TMEM181: variants seen among roughly 807,000 people sequenced by gnomAD.
TMEM181 encodes the protein transmembrane protein 181, also known as G protein-coupled receptor 178.
TMEM181 carries 39 observed loss-of-function variants against 71.9 expected under a neutral mutation model. The observed-to-expected ratio is 0.54, with a 90% CI of 0.42 to 0.71. The LOEUF is 0.71. Among genes scored for constraint, TMEM181 ranks in the 30% least tolerant of loss-of-function variants. TMEM181 has a pLI of 0.00. For synonymous variants in TMEM181, 245 were observed against 228.8 expected, an observed-to-expected ratio of 1.07 and a Z score of -0.64; for missense variants, 595 against 583.0, an observed-to-expected ratio of 1.02 and a Z score of -0.21.
chr6:158,562,303 G>A (rs1358400680), intron 1 of TMEM181, among the ~76,000 whole-genome samples: 3 of 152,200 alleles, frequency 2.0e-5, no homozygotes, highest in African/African-American at 7.2e-5. Flanking sequence ...AGAGGTGCTA[G>A]GAGTCTGAGG....
chr6:158,564,347 G>C (rs1782362971), intron 1 of TMEM181, among the ~76,000 whole-genome samples: 3 of 152,144 alleles, frequency 2.0e-5, no homozygotes, highest in Admixed American at 6.5e-5. Context: ...GCCTCAGTGG[G>C]CCTGCATCCT....
intron 6 of TMEM181, among the ~76,000 whole-genome samples, chr6:158,595,878 C>T (rs1784362064): frequency 6.6e-6 from 1 of 152,050 alleles, no homozygotes; most frequent in Non-Finnish European, 1.5e-5. Context: ...CAATTTGTGA[C>T]GTTCATTGAA....
intron 6 of TMEM181, 150 bp from the exon 7 acceptor site, chr6:158,605,117 A>C: frequency 2.9e-6 from 1 of 348,236 alleles, no homozygotes; most frequent in Non-Finnish European, 4.7e-6. Flanking sequence ...CCATATCCAA[A>C]AAAAAAAAAA....
At chr6:158,610,880 CATA>C (rs1785263673) in intron 10 of TMEM181, 3 of 394,006 alleles carry the variant, frequency 7.6e-6, no homozygotes, top group Non-Finnish European at 1.5e-5. Flanking sequence ...AGGTACATGA[CATA>C]GTAGTGAAGG....
At position 158,633,899 on chromosome 6, in the gene TMEM181, G is replaced by A. The variant is rs1167234115; in HGVS notation, c.*2011G>A. On this transcript the variant is annotated 3_prime_UTR_variant, in exon 17 of 17. Coordinates refer to ENST00000684151, the MANE Select transcript of TMEM181 (RefSeq NM_001376852.1). ...ACTTTATGTAAACTGATGAAGATGT[G>A]CTGATTAACATATTCTGTGATATGG... 2 of 152,084 alleles carry A rather than the reference G, an allele frequency of 1.3e-5. No homozygotes were observed. Among genetic ancestry groups the A allele is most frequent in the African/African-American group, 4.8e-5 (2 of 41,396 alleles). The allele number at this position is 152,084 out of a possible 1,614,324, so 9.4% of individuals were successfully genotyped here.
intron 10 of TMEM181, among the ~76,000 whole-genome samples, chr6:158,617,839 G>A (rs1256259898): frequency 2.6e-5 from 4 of 152,220 alleles, no homozygotes; most frequent in African/African-American, 9.6e-5. Context: ...TGTGGTCTGA[G>A]AGACAGTTTG....
At chr6:158,546,521 G>A (rs915221428) in intron 1 of TMEM181, among the ~76,000 whole-genome samples, 1 of 152,140 alleles carries the variant, frequency 6.6e-6, no homozygotes, top group Non-Finnish European at 1.5e-5. Flanking sequence ...ACCCCAGGAA[G>A]GAGTTGGAGC....
intron 4 of TMEM181, 44 bp from the exon 5 acceptor site, chr6:158,585,260 T>C (rs1024743977): frequency 6.5e-7 from 1 of 1,534,938 alleles, no homozygotes; most frequent in African/African-American, 1.4e-5. Context: ...GTAGGTGTGA[T>C]GTGCCTGGCA....
Position 158,625,750 on chromosome 6 carries a change from A to C in TMEM181, c.1105A>C (p.Ile369Leu). Reference protein sequence around the residue: ...LTALTFVVLVISIAILYLRFG... With the variant: ...LTALTFVVLVLSIAILYLRFG... Reference sequence around the variant, plus strand: ...TGCATTGACTTTCGTAGTACTTGTCATTAGGTAAGAAGACCTTATTTCTTG... The same window carrying C: ...TGCATTGACTTTCGTAGTACTTGTCCTTAGGTAAGAAGACCTTATTTCTTG... Residue 369 changes from isoleucine (I) to leucine (L), a missense_variant, in exon 13 of 17, where the codon ATT becomes CTT. Physicochemically the swap from Ile to Leu is conservative, Grantham distance 5. Coordinates refer to ENST00000684151, the MANE Select transcript of TMEM181 (RefSeq NM_001376852.1). 1 of 1,610,398 alleles carries C rather than the reference A, an allele frequency of 6.2e-7. No homozygotes were observed. The highest frequency in any genetic ancestry group is 8.5e-7 in the Non-Finnish European group (1 of 1,179,062).
chr6:158,605,504 C>G (rs553794785), intron 7 of TMEM181, among the ~76,000 whole-genome samples, 157 bp downstream of exon 7: 1 of 152,052 alleles, frequency 6.6e-6, no homozygotes, highest in African/African-American at 2.4e-5. Flanking sequence ...GTGTGTCTGC[C>G]GAGATGCTGC....
chr6:158,585,889 A>G (rs1205860254), intron 5 of TMEM181, among the ~76,000 whole-genome samples: 1 of 152,166 alleles, frequency 6.6e-6, no homozygotes, highest in Non-Finnish European at 1.5e-5. Context: ...CAGTGGCACA[A>G]TCACAGCTCA....
chr6:158,537,266 G>C (rs1254586692), intron 1 of TMEM181, among the ~76,000 whole-genome samples: 1 of 152,058 alleles, frequency 6.6e-6, no homozygotes, highest in Non-Finnish European at 1.5e-5. Flanking sequence ...GCGCAGTCTG[G>C]GGAGGCGACC....
At chr6:158,571,060 G>C (rs902825017) in intron 1 of TMEM181, among the ~76,000 whole-genome samples, 2 of 150,668 alleles carry the variant, frequency 1.3e-5, no homozygotes, top group African/African-American at 4.8e-5. Flanking sequence ...TTACAGGCAT[G>C]TGCCACCACA....
At chr6:158,628,512 C>T in intron 14 of TMEM181, 22 bp downstream of exon 14, 1 of 1,609,912 alleles carries the variant, frequency 6.2e-7, no homozygotes, top group East Asian at 2.2e-5. Context: ...ACTGGAGGGC[C>T]CTGGCTGCAG....
chr6:158,576,019 C>G (rs542696394), intron 2 of TMEM181, among the ~76,000 whole-genome samples: 1 of 152,314 alleles, frequency 6.6e-6, no homozygotes, highest in East Asian at 1.9e-4. Context: ...TTGTAAGAAT[C>G]TGTGAAGCTT....
chr6:158,605,413 A>G (rs1321727850), intron 7 of TMEM181, 66 bp downstream of exon 7: 5 of 1,467,360 alleles, frequency 3.4e-6, no homozygotes, highest in Non-Finnish European at 4.8e-6. Context: ...TTATGCAGTT[A>G]GGATCTTCGG....
rs576854894 is a variant in TMEM181, at chr6:158,609,436, T to C, written c.896+686T>C. 7.9e-5 allele frequency among the ~76,000 whole-genome samples: 12 copies of C among 152,256 alleles called. No individual in the cohort carries two copies. In the South Asian group the frequency reaches 1.7e-3, roughly 21 times the overall value. On this transcript the variant is annotated intron_variant, in intron 10 of 16. Coordinates refer to ENST00000684151, the MANE Select transcript of TMEM181 (RefSeq NM_001376852.1). ...TTGTACCCTCATGTCACACTCCTTC[T>C]TTGCTCCTACCTTGGAGCATTTTGG... is the stretch of plus-strand genomic sequence containing the variant.
intron 10 of TMEM181, among the ~76,000 whole-genome samples, chr6:158,622,069 C>T (rs1785994770): frequency 6.6e-6 from 1 of 152,148 alleles, no homozygotes. Flanking sequence ...GCCCTGCCTG[C>T]CCCGTTGGGC....
In TMEM181 at chr6:158,620,440, G is replaced by A. The variant is rs1322632467; in HGVS notation, c.897-3110G>A. Among the ~76,000 whole-genome samples, 1 of 152,140 alleles carries A rather than the reference G, an allele frequency of 6.6e-6. No homozygotes were observed. The highest frequency in any genetic ancestry group is 1.5e-5 in the Non-Finnish European group (1 of 68,034). ...GTCAGCTGAATTAGTGTCTGATGTT[G>A]GATGTTCCAGTTGGAATCACCAAAG... is the stretch of plus-strand genomic sequence containing the variant. On this transcript the variant is annotated intron_variant, in intron 10 of 16. Transcript: ENST00000684151. This position sits in a 1 kb window ranked among gnomAD's most constrained non-coding sequence, Gnocchi z 4.5.
Sources: allele counts gnomAD v4.1 joint callset (sites outside exome capture counted in the v4.1 genomes callset), GRCh38; gene constraint gnomAD v4.1.1; non-coding constraint Gnocchi (gnomAD v3.1); transcripts MANE v1.5; gene names NCBI Gene and HGNC (gene_info 2026-07-23, HGNC 2026-07-21).